Variants in RPS5 observed in about 807,000 individuals in gnomAD.
RPS5 encodes small ribosomal subunit protein uS7.
A neutral mutation model predicts 20.9 loss-of-function variants in RPS5; 2 were observed. That is an observed-to-expected ratio of 0.10 (90% CI 0.04 to 0.30). RPS5 has a LOEUF of 0.30. Among genes scored for constraint, RPS5 ranks in the 10% least tolerant of loss-of-function variants. The probability of loss-of-function intolerance (pLI) is 1.00; values close to 1 mark genes in which losing one functional copy is unlikely to be tolerated. For synonymous variants in RPS5, 112 were observed against 105.8 expected, an observed-to-expected ratio of 1.06 and a Z score of -0.36; for missense variants, 122 against 287.2, an observed-to-expected ratio of 0.42 and a Z score of 4.16.
At chr19:58,388,644 T>TTTTTTTTTG in intron 2 of RPS5, 1 of 145,278 alleles carries the variant, frequency 6.9e-6, no homozygotes, top group African/African-American at 3.6e-5. Flanking sequence ...TAGTTTTTTT[T>TTTTTTTTTG]TTTTTTTTTT....
At chr19:58,389,410 C>T (rs112811447) in intron 2 of RPS5, among the ~76,000 whole-genome samples, 70 of 151,466 alleles carry the variant, frequency 4.6e-4, no homozygotes, top group African/African-American at 8.6e-4. Context: ...TAGCTGGGAC[C>T]AAAGATGCAT....
At chr19:58,391,533 G>GTGAA (rs2052363761) in intron 2 of RPS5, among the ~76,000 whole-genome samples, 1 of 151,930 alleles carries the variant, frequency 6.6e-6, no homozygotes, top group Non-Finnish European at 1.5e-5. Flanking sequence ...AACCCAGGAG[G>GTGAA]TGGAGGTTGC....
chr19:58,391,082 A>AT (rs2052360133), intron 2 of RPS5, among the ~76,000 whole-genome samples: 1 of 151,972 alleles, frequency 6.6e-6, no homozygotes, highest in Non-Finnish European at 1.5e-5. Flanking sequence ...ACTTTTTGGC[A>AT]TTTTTCTAGA....
Position 58,388,255 on chromosome 19 carries a change from A to T in RPS5, c.108+10A>T. 6.3e-7 allele frequency: 1 copy of T among 1,589,576 alleles called. No homozygotes were observed. The highest frequency in any genetic ancestry group is 8.6e-7 in the Non-Finnish European group (1 of 1,160,656). The stretch of plus-strand genomic sequence containing the variant: ...TGACATTTCCCTGCAGGTGAGGGGA[A>T]CTTGGTGATTGGCCTTCCTGGCTGG... On this transcript the variant is annotated intron_variant, in intron 2 of 5. Transcript: ENST00000196551.
chr19:58,388,021 T>G, intron 1 of RPS5, 116 bp from the exon 2 acceptor site: 1 of 675,466 alleles, frequency 1.5e-6, no homozygotes, highest in South Asian at 1.7e-5. Context: ...CTTGGTCCTT[T>G]GCGACCCCCC....
rs2052376836 is a variant in RPS5 at position 58,393,460 on chromosome 19, T to C, written c.420T>C (p.Asp140=). ...GGACTGTGAGACGACAGGCTGTGGA[T>C]GTGTCCCCCCTGCGCCGTGTGAACC... ...RAGTVRRQAV[D]VSPLRRVNQA... is the part of the protein sequence containing the mutation. Residue 140 remains aspartate (D), a synonymous_variant, in exon 4 of 6, where the codon GAT becomes GAC. Transcript: ENST00000196551. The C allele has an allele frequency of 6.2e-7, 1 of 1,612,708 alleles. No individual in the cohort carries two copies. Among genetic ancestry groups the C allele is most frequent in the South Asian group, 1.1e-5 (1 of 91,062 alleles).
At chr19:58,388,428 C>T in intron 2 of RPS5, 183 bp downstream of exon 2, 2 of 593,430 alleles carry the variant, frequency 3.4e-6, no homozygotes, top group South Asian at 2.0e-5. Context: ...ATGACTACAA[C>T]TTCTGTCATG....
At chr19:58,393,514 A>G (rs1568574672) in intron 4 of RPS5, 27 bp downstream of exon 4, 1 of 1,591,090 alleles carries the variant, frequency 6.3e-7, no homozygotes. Flanking sequence ...TGCACGTGGC[A>G]GGGTGGACAC....
chr19:58,387,831 C>G, intron 1 of RPS5: 1 of 370,846 alleles, frequency 2.7e-6, no homozygotes, highest in Non-Finnish European at 5.0e-6. Flanking sequence ...GTTTGAATTA[C>G]AGCCCATGCA....
chr19:58,393,596 A>C, intron 4 of RPS5, 109 bp downstream of exon 4: 2 of 1,384,236 alleles, frequency 1.4e-6, no homozygotes, highest in South Asian at 2.7e-5. Context: ...TACCTGCAGC[A>C]TCACTTCCTC....
intron 1 of RPS5, chr19:58,387,854 A>G (rs2052336575): frequency 6.6e-6 from 3 of 457,688 alleles, no homozygotes; most frequent in Non-Finnish European, 1.2e-5. Context: ...GTGAGGACGT[A>G]TGGCATCTGC....
chr19:58,389,651 T>C (rs890919194), intron 2 of RPS5, among the ~76,000 whole-genome samples: 1 of 152,058 alleles, frequency 6.6e-6, no homozygotes, highest in African/African-American at 2.4e-5. Flanking sequence ...TATTTATTTT[T>C]TTGAAACGGA....
At chr19:58,391,432 C>CAAAAA (rs35576516) in intron 2 of RPS5, among the ~76,000 whole-genome samples, 2 of 76,004 alleles carry the variant, frequency 2.6e-5, no homozygotes, top group African/African-American at 6.0e-5. Context: ...AACTCCATCT[C>CAAAAA]AAAAAAAAAA....
chr19:58,393,244 C>T (rs529055606), intron 3 of RPS5, 59 bp downstream of exon 3: 15 of 1,612,026 alleles, frequency 9.3e-6, no homozygotes, highest in East Asian at 2.2e-5. Flanking sequence ...GAAAGCCCCA[C>T]GGAGTGTATG....
intron 2 of RPS5, among the ~76,000 whole-genome samples, chr19:58,392,182 G>T (rs1325360108): frequency 6.6e-6 from 1 of 152,032 alleles, no homozygotes; most frequent in Non-Finnish European, 1.5e-5. Flanking sequence ...AATTTAGCTG[G>T]GCTTGGTGGC....
intron 2 of RPS5, among the ~76,000 whole-genome samples, chr19:58,392,496 G>C (rs1279664006): frequency 6.6e-6 from 1 of 151,916 alleles, no homozygotes; most frequent in African/African-American, 2.4e-5. Context: ...TTGGTGGCAG[G>C]CCCCTATAAT....
At chr19:58,389,434 C>G (rs2052349427) in intron 2 of RPS5, among the ~76,000 whole-genome samples, 1 of 151,990 alleles carries the variant, frequency 6.6e-6, no homozygotes, top group African/African-American at 2.4e-5. Context: ...ACCAAACCTG[C>G]TACCTTTTGT....
rs1168189220 is a variant in RPS5 at position 58,393,405 on chromosome 19, G to A, written c.365G>A (p.Arg122Gln). The change falls in exon 4 of 6, where the codon CGG (arginine) becomes CAG (glutamine). Residue 122 changes from arginine to glutamine, a missense_variant. Arg to Gln is a conservative substitution (Grantham distance 43). Transcript: ENST00000196551. The stretch of plus-strand genomic sequence containing the variant: ...AACGCCATCATCAACAGTGGTCCCC[G>A]GGAGGACTCCACACGCATTGGGCGC... ...LVNAIINSGP[R>Q]EDSTRIGRAG... The A allele has an allele frequency of 1.9e-6, 3 of 1,613,654 alleles. No individual in the cohort carries two copies. Among genetic ancestry groups the A allele is most frequent in the Admixed American group, 1.7e-5 (1 of 60,024 alleles).
At chr19:58,387,888 G>C (rs1379958026) in intron 1 of RPS5, 18 of 538,446 alleles carry the variant, frequency 3.3e-5, no homozygotes, top group Non-Finnish European at 5.3e-5. Flanking sequence ...CTTGGTCCCA[G>C]TGCAGCAGCT....
Sources: allele counts gnomAD v4.1 joint callset (sites outside exome capture counted in the v4.1 genomes callset), GRCh38; gene constraint gnomAD v4.1.1; transcripts MANE v1.5; gene names NCBI Gene and HGNC (gene_info 2026-07-23, HGNC 2026-07-21).